Variants in ZNF652 observed in about 807,000 individuals in gnomAD.
The protein encoded by ZNF652 is zinc finger protein 652.
ZNF652 carries 16 observed loss-of-function variants against 45.2 expected under a neutral mutation model. The observed-to-expected ratio is 0.35, with a 90% CI of 0.24 to 0.54. The LOEUF (loss-of-function observed/expected upper bound fraction) is 0.54, where lower values mean the gene tolerates loss of function less well. Ranked by LOEUF, ZNF652 falls within the 20% of genes least tolerant of loss-of-function variation. The probability of loss-of-function intolerance (pLI) is 0.91; values close to 1 mark genes in which losing one functional copy is unlikely to be tolerated. For missense variants in ZNF652, 614 were observed against 765.6 expected (o/e 0.80, Z 2.34); for synonymous variants, 250 against 260.6 (o/e 0.96, Z 0.39).
At position 49,293,222 on chromosome 17, in the gene ZNF652, G is replaced by A. The variant is rs1357286459; in HGVS notation, c.*5191C>T. Reference sequence around the variant, plus strand: ...CTATCTAGTGAACAAGAAACAGTTTGTTTTCCAAATATGTATGTCTGCAAA... The same window carrying A: ...CTATCTAGTGAACAAGAAACAGTTTATTTTCCAAATATGTATGTCTGCAAA... On this transcript the variant is annotated 3_prime_UTR_variant, in exon 6 of 6. Coordinates refer to ENST00000430262, the MANE Select transcript of ZNF652 (RefSeq NM_001145365.3). Among the ~76,000 whole-genome samples the A allele has an allele frequency of 1.3e-5, 2 of 152,158 alleles. No homozygotes were observed.
At chr17:49,331,692 T>C (rs911918743) in intron 1 of ZNF652, among the ~76,000 whole-genome samples, 1 of 152,194 alleles carries the variant, frequency 6.6e-6, no homozygotes, top group Non-Finnish European at 1.5e-5. Context: ...TTTAGATTTG[T>C]GGATAACATC....
rs1013741886 is a variant in ZNF652 at position 49,298,048 on chromosome 17, A to C, written c.*365T>G. The C allele has an allele frequency of 1.6e-5, 4 of 253,162 alleles. No individual in the cohort carries two copies. The South Asian group carries it at 2.0e-4, about 13-fold the overall frequency. The allele number at this position is 253,162 out of a possible 1,614,324, so 15.7% of individuals were successfully genotyped here. ...CTCACAGCCTTCCCGATTAGTACAAAGGAAACCAGGCCTATCCCCTCTTTG... is the reference window on the plus strand; with the variant it reads ...CTCACAGCCTTCCCGATTAGTACAACGGAAACCAGGCCTATCCCCTCTTTG... On this transcript the variant is annotated 3_prime_UTR_variant, in exon 6 of 6. Transcript: ENST00000430262.
At chr17:49,348,249 G>A (rs957877150) in intron 1 of ZNF652, among the ~76,000 whole-genome samples, 5 of 152,102 alleles carry the variant, frequency 3.3e-5, no homozygotes, top group African/African-American at 1.2e-4. Context: ...CCAGCACTTT[G>A]GGAGGCTGAG....
intron 1 of ZNF652, among the ~76,000 whole-genome samples, chr17:49,329,854 C>T (rs983087393): frequency 1.3e-5 from 2 of 152,362 alleles, no homozygotes; most frequent in Admixed American, 1.3e-4. Context: ...ACAGTTTCTA[C>T]ATTTCCATAT....
chr17:49,329,772 G>A lies in ZNF652; in HGVS notation c.-258-11789C>T, dbSNP rs536707462. Among the ~76,000 whole-genome samples the A allele has an allele frequency of 4.8e-4, 73 of 152,276 alleles. 1 individual carries two copies. The highest frequency in any genetic ancestry group is 1.7e-3 in the African/African-American group (70 of 41,544). ...ATTGTGTTTCCTCAACAATATGCAA[G>A]TGCAACTAGTAAAAGAGGACAAAGG... On this transcript the variant is annotated intron_variant, in intron 1 of 5. Coordinates refer to ENST00000430262, the MANE Select transcript of ZNF652 (RefSeq NM_001145365.3).
At position 49,298,799 on chromosome 17, in the gene ZNF652, G is replaced by A. The variant is rs2069511807; in HGVS notation, c.1435C>T (p.Arg479Cys). Residue 479 changes from arginine to cysteine, a missense_variant, in exon 6 of 6, where the codon CGC (arginine) becomes TGC (cysteine). Around this residue, in one of 5 missense-constraint regions of ZNF652, gnomAD observed 81 missense variants for 167.0 expected, o/e 0.48. Transcript: ENST00000430262. ...YPCDVCGQRF[R>C]FSNMLKAHKE... Reference sequence around the variant, plus strand: ...TGGGCCTTAAGCATGTTCGAGAAGCGGAACCGCTGGCCACACACATCACAT... The same window carrying A: ...TGGGCCTTAAGCATGTTCGAGAAGCAGAACCGCTGGCCACACACATCACAT... 1 of 1,614,054 alleles carries A rather than the reference G, an allele frequency of 6.2e-7. No homozygotes were observed. The highest frequency in any genetic ancestry group is 8.5e-7 in the Non-Finnish European group (1 of 1,180,018).
rs1382038692 is a variant in ZNF652 at position 49,292,770 on chromosome 17, A to T, written c.*5643T>A. Among the ~76,000 whole-genome samples the T allele has an allele frequency of 6.6e-6, 1 of 152,238 alleles. No homozygotes were observed. Among genetic ancestry groups the T allele is most frequent in the Non-Finnish European group, 1.5e-5 (1 of 68,044 alleles). Reference sequence around the variant, plus strand: ...GATAAAATCTTTCAACAGAGAGACGAAATATGTGAAGAAATAAGATATAAA... The same window carrying T: ...GATAAAATCTTTCAACAGAGAGACGTAATATGTGAAGAAATAAGATATAAA... On this transcript the variant is annotated 3_prime_UTR_variant, in exon 6 of 6. Transcript: ENST00000430262.
At position 49,316,984 on chromosome 17, in the gene ZNF652, C is replaced by T. The variant is rs1056101745; in HGVS notation, c.742G>A (p.Glu248Lys). Reference protein sequence around the residue: ...KCEEKETLTCEKCPRVFNTRW... With the variant: ...KCEEKETLTCKKCPRVFNTRW... ...GTGTTAAATACCCTGGGGCACTTCT[C>T]ACAGGTCAGAGTCTCTTTCTCTTCA... Residue 248 changes from glutamate to lysine, a missense_variant, in exon 2 of 6, where the codon GAG becomes AAG. Physicochemically the swap from Glu to Lys is moderately conservative, Grantham distance 56. Transcript: ENST00000430262. 2 of 1,614,180 alleles carry T rather than the reference C, an allele frequency of 1.2e-6. No homozygotes were observed. The highest frequency in any genetic ancestry group is 1.7e-6 in the Non-Finnish European group (2 of 1,180,028).
intron 5 of ZNF652, among the ~76,000 whole-genome samples, chr17:49,310,689 C>T (rs2069697737): frequency 1.3e-5 from 2 of 152,088 alleles, no homozygotes; most frequent in South Asian, 2.1e-4. Flanking sequence ...ATCGCTTGAG[C>T]CCAGGAGATC....
At chr17:49,339,432 T>A (rs568783953) in intron 1 of ZNF652, among the ~76,000 whole-genome samples, 1 of 152,062 alleles carries the variant, frequency 6.6e-6, no homozygotes, top group South Asian at 2.1e-4. Context: ...TTTATTTTCA[T>A]GTTTGTAAAA....
At position 49,311,918 on chromosome 17, in the gene ZNF652, A is replaced by G. The variant is rs1184872035; in HGVS notation, c.1164+9T>C. On this transcript the variant is annotated intron_variant, in intron 4 of 5. Transcript: ENST00000430262. ...CTAGGCCTGGGCCTGTAGGTAGCAC[A>G]TTCCTTACCTCGCATCTAAAGGGCT... 6.2e-7 allele frequency: 1 copy of G among 1,609,502 alleles called. No individual in the cohort carries two copies. Among genetic ancestry groups the G allele is most frequent in the African/African-American group, 1.3e-5 (1 of 74,964 alleles).
intron 1 of ZNF652, among the ~76,000 whole-genome samples, chr17:49,334,164 A>G (rs113173325): frequency 1.4e-3 from 215 of 152,252 alleles, no homozygotes; most frequent in African/African-American, 5.0e-3. Flanking sequence ...ATAATCATAC[A>G]ATGGAATATT....
intron 1 of ZNF652, among the ~76,000 whole-genome samples, chr17:49,359,617 AT>A (rs1344335908): frequency 2.0e-5 from 3 of 152,212 alleles, no homozygotes; most frequent in African/African-American, 7.2e-5. Context: ...TGGAATAAAT[AT>A]CTCCTGATTG....
At chr17:49,338,073 G>A (rs753036437) in intron 1 of ZNF652, among the ~76,000 whole-genome samples, 2 of 151,482 alleles carry the variant, frequency 1.3e-5, no homozygotes, top group Admixed American at 6.6e-5. Flanking sequence ...CTTCAGCCTC[G>A]ACCTCCCAGG....
At chr17:49,346,606 T>C (rs1226405047) in intron 1 of ZNF652, among the ~76,000 whole-genome samples, 1 of 152,218 alleles carries the variant, frequency 6.6e-6, no homozygotes, top group African/African-American at 2.4e-5. Flanking sequence ...AAAATGCATA[T>C]TAAGATTTTA....
Position 49,317,964 on chromosome 17 carries a change from G to A in ZNF652, c.-239C>T. ...ATTTTTCTTCTGAAGAGAGCTGCAA[G>A]GGACTTGGGAGCATCTTATCTACAA... On this transcript the variant is annotated 5_prime_UTR_variant, in exon 2 of 6. Transcript: ENST00000430262. 2.5e-6 allele frequency: 1 copy of A among 394,420 alleles called. No individual in the cohort carries two copies. The highest frequency in any genetic ancestry group is 4.1e-5 in the Admixed American group (1 of 24,294). 24.4% of individuals were successfully genotyped at this position (394,420 alleles called of 1,614,324 possible).
intron 5 of ZNF652, among the ~76,000 whole-genome samples, chr17:49,300,348 T>C (rs528472827): frequency 1.3e-5 from 2 of 152,116 alleles, no homozygotes; most frequent in South Asian, 4.1e-4. Context: ...CTGCTCCTAG[T>C]TGAGGACCAG....
In ZNF652 at chr17:49,293,683, A is replaced by T. The variant is rs2286016; in HGVS notation, c.*4730T>A. ...AAAAAAAAAAAAAAAAAAAAAAAAA[A>T]AACTCTTAAGTAATTTCCTATCTTG... On this transcript the variant is annotated 3_prime_UTR_variant, in exon 6 of 6. Transcript: ENST00000430262. Among the ~76,000 whole-genome samples, 1 of 139,494 alleles carries T rather than the reference A, an allele frequency of 7.2e-6. No homozygotes were observed. The highest frequency in any genetic ancestry group is 2.3e-4 in the South Asian group (1 of 4,284). The allele number at this position is 139,494 out of a possible 152,430, so 91.5% of individuals were successfully genotyped here. A position where few individuals can be genotyped will look rare whatever the true frequency, so the allele number is the denominator to read the frequency against.
intron 1 of ZNF652, among the ~76,000 whole-genome samples, chr17:49,344,710 G>C (rs539136986): frequency 2.0e-5 from 3 of 151,858 alleles, no homozygotes; most frequent in African/African-American, 7.3e-5. Flanking sequence ...TAACGGAGAC[G>C]GAGTTTCACT....
Sources: gnomAD v4.1 joint callset for allele counts (sites outside exome capture counted in the v4.1 genomes callset) on GRCh38, gnomAD v4.1.1 for gene constraint, gnomAD v4.1.1 regional missense constraint, MANE v1.5 for transcripts, NCBI Gene and HGNC (gene_info 2026-07-23, HGNC 2026-07-21) for gene names.